The following SPG21 variants were observed in gnomAD, a reference collection of about 807,000 sequenced individuals.
SPG21 encodes the protein SPG21 abhydrolase domain containing, maspardin.
In SPG21, 26 loss-of-function variants were observed where a neutral mutation model predicts 38.9. The observed-to-expected ratio is 0.67, with a 90% confidence interval of 0.49 to 0.93. The LOEUF is 0.93. SPG21 is among the 40% of genes least tolerant of loss of function. SPG21 has a pLI of 0.00. For synonymous variants in SPG21, 136 were observed against 128.9 expected (o/e 1.05, Z -0.37); for missense variants, 333 against 376.5 (o/e 0.88, Z 0.96).
chr15:64,978,454 AC>A (rs2085827043), intron 3 of SPG21, among the ~76,000 whole-genome samples: 1 of 152,058 alleles, frequency 6.6e-6, no homozygotes, highest in Non-Finnish European at 1.5e-5. Context: ...TCTCCAAAAA[AC>A]AAAAACAAAA....
rs34703670 is a variant in SPG21 at position 64,981,289 on chromosome 15, C to CTTTTT, written c.64-269_64-265dup. ...GCTTCTCTGTTTCTTCCCCCTCCTCCTTTTTTTTTTTTTTTTTTGAGACAG... is the reference window on the plus strand; with the variant it reads ...GCTTCTCTGTTTCTTCCCCCTCCTCCTTTTTTTTTTTTTTTTTTTTTTTGAGACAG... On this transcript the variant is annotated intron_variant, in intron 2 of 8. Transcript: ENST00000204566. 2.8e-5 allele frequency: 8 copies of CTTTTT among 281,110 alleles called. 1 individual carries two copies. The highest frequency in any genetic ancestry group is 7.5e-5 in the African/African-American group (3 of 39,938). 17.4% of individuals were successfully genotyped at this position (281,110 alleles called of 1,614,324 possible).
At chr15:64,981,831 C>T (rs927842144) in intron 2 of SPG21, among the ~76,000 whole-genome samples, 2 of 152,194 alleles carry the variant, frequency 1.3e-5, no homozygotes, top group African/African-American at 4.8e-5. Context: ...AGTACATTAA[C>T]TGCTTAAACA....
intron 5 of SPG21, among the ~76,000 whole-genome samples, chr15:64,972,772 C>T (rs1171720497): frequency 1.3e-5 from 2 of 152,182 alleles, no homozygotes; most frequent in African/African-American, 4.8e-5. Flanking sequence ...GCAGAGCTTG[C>T]AGTGAGCTGA....
At chr15:64,964,199 G>A (rs2085501191) in intron 8 of SPG21, among the ~76,000 whole-genome samples, 1 of 152,158 alleles carries the variant, frequency 6.6e-6, no homozygotes, top group African/African-American at 2.4e-5. Flanking sequence ...ATAGAGAAAA[G>A]TCAAACAATT....
chr15:64,969,740 G>T (rs937597374), intron 6 of SPG21, among the ~76,000 whole-genome samples: 1 of 149,666 alleles, frequency 6.7e-6, no homozygotes, highest in East Asian at 2.0e-4. Context: ...AGAGATTTGA[G>T]AAATCATCTA....
At chr15:64,988,094 C>T (rs1457828567) in intron 1 of SPG21, among the ~76,000 whole-genome samples, 2 of 151,760 alleles carry the variant, frequency 1.3e-5, no homozygotes, top group Non-Finnish European at 2.9e-5. Flanking sequence ...CGGTGATGGG[C>T]TCCTGTAATC....
intron 7 of SPG21, among the ~76,000 whole-genome samples, chr15:64,967,905 C>A (rs1215345042): frequency 1.3e-5 from 2 of 152,162 alleles, no homozygotes; most frequent in African/African-American, 2.4e-5. Flanking sequence ...CTGTGCCCTG[C>A]CCAAACATAT....
In SPG21 at chr15:64,980,927, TC is replaced by T; in HGVS notation, c.161del (p.Gly54GlufsTer13). 1 of 1,613,998 alleles carries T rather than the reference TC, an allele frequency of 6.2e-7. No homozygotes were observed. Among genetic ancestry groups the T allele is most frequent in the Non-Finnish European group, 8.5e-7 (1 of 1,180,000 alleles). ...CPLIFLPPVS[G>X]TADVFFRQIL... Reference sequence around the variant, plus strand: ...TCTGCCGGAAAAAGACATCTGCAGTTCCACTGACAGGGGGCAGGAATATGAG... The same window carrying T: ...TCTGCCGGAAAAAGACATCTGCAGTTCACTGACAGGGGGCAGGAATATGAG... On this transcript the variant is annotated frameshift_variant, in exon 3 of 9. Coordinates refer to ENST00000204566, the MANE Select transcript of SPG21 (RefSeq NM_016630.7). LOFTEE classifies it high-confidence loss of function.
chr15:64,986,802 T>C (rs546773115), intron 1 of SPG21, among the ~76,000 whole-genome samples: 13 of 152,308 alleles, frequency 8.5e-5, no homozygotes, highest in African/African-American at 3.1e-4. Context: ...TGAAAGCAAC[T>C]AGCACATATA....
intron 4 of SPG21, among the ~76,000 whole-genome samples, chr15:64,975,355 G>A (rs1429673897): frequency 6.8e-6 from 1 of 147,202 alleles, no homozygotes; most frequent in East Asian, 2.0e-4. Flanking sequence ...TATGGAAAAG[G>A]CCTGTATACT....
chr15:64,980,788 A>G (rs2085868572), intron 3 of SPG21, 76 bp downstream of exon 3: 1 of 1,488,742 alleles, frequency 6.7e-7, no homozygotes, highest in East Asian at 2.3e-5. Context: ...CCATTACTAT[A>G]GCTGATGAGA....
intron 3 of SPG21, among the ~76,000 whole-genome samples, chr15:64,978,737 A>G (rs918960215): frequency 6.6e-6 from 1 of 152,206 alleles, no homozygotes; most frequent in African/African-American, 2.4e-5. Flanking sequence ...ACTTTCATGG[A>G]GTCTTTAATT....
Position 64,970,369 on chromosome 15 carries a change from C to T in SPG21, c.453-147G>A, listed in dbSNP as rs2085637871. On this transcript the variant is annotated intron_variant, in intron 5 of 8. Transcript: ENST00000204566. ...CAAAGAGCTCAGCATCTAGTTTTTA[C>T]ACACACTTTCCCAAGCTTCCAAAGA... The T allele has an allele frequency of 3.5e-5, 24 of 685,922 alleles. No homozygotes were observed. In the South Asian group the frequency reaches 3.8e-4, roughly 11 times the overall value. The allele number at this position is 685,922 out of a possible 1,614,324, so 42.5% of individuals were successfully genotyped here.
chr15:64,966,712 A>G (rs1294649613), intron 7 of SPG21, among the ~76,000 whole-genome samples: 3 of 152,108 alleles, frequency 2.0e-5, no homozygotes, highest in Admixed American at 6.6e-5. Flanking sequence ...ATCCTGGCTA[A>G]CATGGTGAAA....
rs1187231757 is a variant in SPG21 at position 64,963,415 on chromosome 15, G to C, written c.*205C>G. On this transcript the variant is annotated 3_prime_UTR_variant, in exon 9 of 9. Coordinates refer to ENST00000204566, the MANE Select transcript of SPG21 (RefSeq NM_016630.7). ...CAAAAGTACTTCTTCAAATTCAAAA[G>C]CTAAGAAAACCAAAGAGGGAACAGT... 11 of 547,116 alleles carry C rather than the reference G, an allele frequency of 2.0e-5. No homozygotes were observed. The highest frequency in any genetic ancestry group is 3.3e-5 in the Non-Finnish European group (10 of 307,442). The allele number at this position is 547,116 out of a possible 1,614,324, so 33.9% of individuals were successfully genotyped here. A position where few individuals can be genotyped will look rare whatever the true frequency, so the allele number is the denominator to read the frequency against.
Position 64,974,814 on chromosome 15 carries a change from G to C in SPG21, c.307-67C>G, listed in dbSNP as rs2085744556. On this transcript the variant is annotated intron_variant, in intron 4 of 8. Coordinates refer to ENST00000204566, the MANE Select transcript of SPG21 (RefSeq NM_016630.7). ...CAATCTTGAACCTGAGTATTAAAAA[G>C]TTGCTTCAATTATCACTAACCACAG... The C allele has an allele frequency of 1.9e-6, 3 of 1,595,624 alleles. No homozygotes were observed. The Admixed American group carries it at 5.0e-5, about 27-fold the overall frequency.
chr15:64,983,377 T>G (rs1162125431), intron 2 of SPG21, 130 bp downstream of exon 2: 1 of 689,900 alleles, frequency 1.4e-6, no homozygotes, highest in Admixed American at 2.3e-5. Flanking sequence ...AACTTAATCC[T>G]CTGCAACCCA....
chr15:64,966,790 T>A (rs897108781), intron 7 of SPG21, among the ~76,000 whole-genome samples: 1 of 151,974 alleles, frequency 6.6e-6, no homozygotes, highest in African/African-American at 2.4e-5. Context: ...TCCCAGCTAC[T>A]TGGGAGGCTG....
At chr15:64,964,009 G>A (rs946721473) in intron 8 of SPG21, among the ~76,000 whole-genome samples, 1 of 151,998 alleles carries the variant, frequency 6.6e-6, no homozygotes, top group Non-Finnish European at 1.5e-5. Flanking sequence ...CATCTGCCTC[G>A]GCCTCCCAAA....
Sources: allele counts gnomAD v4.1 joint callset (sites outside exome capture counted in the v4.1 genomes callset), GRCh38; gene constraint gnomAD v4.1.1; transcripts MANE v1.5; gene names NCBI Gene and HGNC (gene_info 2026-07-23, HGNC 2026-07-21).